GALNT2: variants seen among roughly 807,000 people sequenced by gnomAD.
The protein encoded by GALNT2 is UDP-GalNAc:polypeptide N-acetylgalactosaminyltransferase 2.
A neutral mutation model predicts 81.4 loss-of-function variants in GALNT2; 31 were observed. That is an observed-to-expected ratio of 0.38 (90% CI 0.29 to 0.51). GALNT2 has a LOEUF of 0.51. Among genes scored for constraint, GALNT2 ranks in the 20% least tolerant of loss-of-function variants. The pLI is 0.87. For missense variants in GALNT2, 629 were observed against 765.7 expected (o/e 0.82, Z 2.11); for synonymous variants, 303 against 287.4 (o/e 1.05, Z -0.55).
chr1:230,234,996 T>A (rs1161412599), intron 3 of GALNT2, among the ~76,000 whole-genome samples: 1 of 152,082 alleles, frequency 6.6e-6, no homozygotes, highest in South Asian at 2.1e-4. Flanking sequence ...GGAGGATTGC[T>A]TGAAGCCAGG....
Position 230,275,065 on chromosome 1 carries a change from CGTATATATAT to C in GALNT2, c.1560+502_1560+511del, listed in dbSNP as rs1249548390. ...CACATATATACATGCCACATATATA[CGTATATATAT>C]ACACACCACATATATATACATGTAT... On this transcript the variant is annotated intron_variant, in intron 15 of 15. Coordinates refer to ENST00000366672, the MANE Select transcript of GALNT2 (RefSeq NM_004481.5). This position sits in a 1 kb window ranked among gnomAD's most constrained non-coding sequence, Gnocchi z 5.5. 7.6e-6 allele frequency among the ~76,000 whole-genome samples: 1 copy of C among 131,656 alleles called. No individual in the cohort carries two copies. Among genetic ancestry groups the C allele is most frequent in the African/African-American group, 2.6e-5 (1 of 38,934 alleles). The allele number at this position is 131,656 out of a possible 152,430, so 86.4% of individuals were successfully genotyped here.
At chr1:230,177,454 C>T (rs1394452674) in intron 1 of GALNT2, among the ~76,000 whole-genome samples, 1 of 151,792 alleles carries the variant, frequency 6.6e-6, no homozygotes, top group Non-Finnish European at 1.5e-5. Context: ...TATACAGAAA[C>T]CTTTCTTATT....
At chr1:230,113,687 C>T (rs1571976937) in intron 1 of GALNT2, among the ~76,000 whole-genome samples, 1 of 152,062 alleles carries the variant, frequency 6.6e-6, no homozygotes, top group African/African-American at 2.4e-5. Context: ...CCAGCACAGA[C>T]AGCGTGCGGG....
chr1:230,163,199 C>T (rs1322902227), intron 1 of GALNT2, among the ~76,000 whole-genome samples: 1 of 152,128 alleles, frequency 6.6e-6, no homozygotes, highest in Non-Finnish European at 1.5e-5. Flanking sequence ...AAACTTTTGT[C>T]AAAGGAATTG....
At chr1:230,102,275 G>T (rs1280324153) in intron 1 of GALNT2, among the ~76,000 whole-genome samples, 1 of 152,176 alleles carries the variant, frequency 6.6e-6, no homozygotes, top group Admixed American at 6.6e-5. Flanking sequence ...CCTTGCGAGG[G>T]CCCGGCATGC....
intron 1 of GALNT2, among the ~76,000 whole-genome samples, chr1:230,061,507 TA>T (rs1268484956): frequency 1.1e-4 from 16 of 152,358 alleles, no homozygotes; most frequent in African/African-American, 2.9e-4. Flanking sequence ...AAGTTATGAA[TA>T]TTTTTTTAAG....
chr1:230,175,871 T>C (rs1292819579), intron 1 of GALNT2, among the ~76,000 whole-genome samples: 1 of 151,900 alleles, frequency 6.6e-6, no homozygotes, highest in Admixed American at 6.6e-5. Context: ...AATCGAGCCC[T>C]AGCCTGTCAT....
intron 3 of GALNT2, among the ~76,000 whole-genome samples, chr1:230,230,913 G>A (rs1664848363): frequency 6.6e-6 from 1 of 152,042 alleles, no homozygotes; most frequent in Admixed American, 6.6e-5. Flanking sequence ...CTTACTGTTG[G>A]CCACATCCCC....
At chr1:230,083,061 C>G (rs1223964240) in intron 1 of GALNT2, among the ~76,000 whole-genome samples, 1 of 144,014 alleles carries the variant, frequency 6.9e-6, no homozygotes, top group Non-Finnish European at 1.5e-5. Flanking sequence ...GATGATGGAG[C>G]AGGGAAGCCG....
At chr1:230,265,208 A>C (rs757327430) in intron 13 of GALNT2, 33 bp from the exon 14 acceptor site, 2 of 1,613,784 alleles carry the variant, frequency 1.2e-6, no homozygotes, top group Admixed American at 1.7e-5. Flanking sequence ...GGTCATGTGC[A>C]GTGAAGCAGG....
intron 6 of GALNT2, among the ~76,000 whole-genome samples, chr1:230,240,345 G>A (rs1312025517): frequency 6.6e-6 from 1 of 152,214 alleles, no homozygotes; most frequent in Middle Eastern, 3.2e-3. Flanking sequence ...TGTAATCCCA[G>A]CACTTTGGGA....
At chr1:230,074,798 A>G (rs1659484520) in intron 1 of GALNT2, among the ~76,000 whole-genome samples, 1 of 152,216 alleles carries the variant, frequency 6.6e-6, no homozygotes, top group Non-Finnish European at 1.5e-5. Context: ...TATTTCTTCT[A>G]GTGTACTGAT....
At chr1:230,126,825 C>T (rs1033963941) in intron 1 of GALNT2, among the ~76,000 whole-genome samples, 5 of 152,164 alleles carry the variant, frequency 3.3e-5, no homozygotes, top group Admixed American at 6.5e-5. Flanking sequence ...GACTGAGGCA[C>T]GCCAAGGAGT....
chr1:230,148,831 C>T (rs143744149), intron 1 of GALNT2, among the ~76,000 whole-genome samples: 2 of 151,920 alleles, frequency 1.3e-5, no homozygotes, highest in Non-Finnish European at 2.9e-5. Context: ...AAGAGATCCA[C>T]CCACCTCACC....
chr1:230,201,219 C>T (rs4846927), intron 2 of GALNT2, among the ~76,000 whole-genome samples: 48,256 of 151,900 alleles, frequency 0.32, 7,824 homozygotes, highest in Middle Eastern at 0.35. Flanking sequence ...ACACCTTGGC[C>T]GGCTCCCACA....
chr1:230,084,469 G>T (rs959083825), intron 1 of GALNT2, among the ~76,000 whole-genome samples: 1 of 152,206 alleles, frequency 6.6e-6, no homozygotes, highest in Admixed American at 6.5e-5. Context: ...TGGTGAATGG[G>T]ACGTGAGGTC....
intron 1 of GALNT2, among the ~76,000 whole-genome samples, chr1:230,144,947 G>A (rs532333458): frequency 1.3e-4 from 20 of 152,104 alleles, no homozygotes; most frequent in Admixed American, 1.1e-3. Flanking sequence ...TCTCCCCGCA[G>A]GCCTTGAGGT....
chr1:230,158,784 C>T (rs976358354), intron 1 of GALNT2, among the ~76,000 whole-genome samples: 5 of 152,242 alleles, frequency 3.3e-5, no homozygotes, highest in African/African-American at 7.2e-5. Flanking sequence ...CCGCCACCTC[C>T]CATCACAGAT....
chr1:230,258,270 C>T (rs1437402644), intron 11 of GALNT2, among the ~76,000 whole-genome samples: 1 of 149,758 alleles, frequency 6.7e-6, no homozygotes, highest in East Asian at 2.0e-4. Flanking sequence ...GATCTCGTTG[C>T]CCACACTGGA....
Sources: allele counts gnomAD v4.1 joint callset (sites outside exome capture counted in the v4.1 genomes callset), GRCh38; gene constraint gnomAD v4.1.1; non-coding constraint Gnocchi (gnomAD v3.1); transcripts MANE v1.5; gene names NCBI Gene and HGNC (gene_info 2026-07-23, HGNC 2026-07-21).